Variants in INPP4B observed in about 807,000 individuals in gnomAD.
The protein encoded by INPP4B is inositol polyphosphate 4-phosphatase type II.
INPP4B carries 55 observed loss-of-function variants against 122.5 expected under a neutral mutation model. The observed-to-expected ratio is 0.45, with a 90% CI of 0.36 to 0.56. The LOEUF is 0.56. Among genes scored for constraint, INPP4B ranks in the 20% least tolerant of loss-of-function variants. The probability of loss-of-function intolerance (pLI) is 0.00; values close to 1 mark genes in which losing one functional copy is unlikely to be tolerated. For synonymous variants in INPP4B, 403 were observed against 388.7 expected, an observed-to-expected ratio of 1.04 and a Z score of -0.43; for missense variants, 1,000 against 1,097.7, an observed-to-expected ratio of 0.91 and a Z score of 1.26.
intron 7 of INPP4B, among the ~76,000 whole-genome samples, chr4:142,349,893 T>TA (rs10631958): frequency 0.26 from 38,025 of 148,138 alleles, 5,021 homozygotes; most frequent in East Asian, 0.41. Flanking sequence ...AGATAAGTTG[T>TA]AAAAAAAAAA....
At chr4:142,667,065 C>T (rs1224600980) in intron 2 of INPP4B, among the ~76,000 whole-genome samples, 1 of 152,118 alleles carries the variant, frequency 6.6e-6, no homozygotes, top group Non-Finnish European at 1.5e-5. Flanking sequence ...CATTTGAAAG[C>T]CTAAATTGTG....
chr4:142,400,376 C>T (rs1394889982), intron 7 of INPP4B, among the ~76,000 whole-genome samples: 1 of 152,112 alleles, frequency 6.6e-6, no homozygotes, highest in Non-Finnish European at 1.5e-5. Context: ...CCTTCCAAAA[C>T]ATACAAATAT....
intron 7 of INPP4B, among the ~76,000 whole-genome samples, chr4:142,335,480 A>T (rs1776276638): frequency 1.3e-5 from 2 of 152,174 alleles, no homozygotes; most frequent in African/African-American, 4.8e-5. Flanking sequence ...CAAATCTCCC[A>T]TGTATACCTT....
chr4:142,247,010 G>GTGT (rs1729221447), intron 11 of INPP4B, among the ~76,000 whole-genome samples: 1 of 149,346 alleles, frequency 6.7e-6, no homozygotes, highest in East Asian at 2.0e-4. Context: ...GCATGAAGGG[G>GTGT]TGAATTTTGT....
At chr4:142,156,206 A>G (rs1817110299) in intron 17 of INPP4B, among the ~76,000 whole-genome samples, 1 of 151,942 alleles carries the variant, frequency 6.6e-6, no homozygotes, top group Non-Finnish European at 1.5e-5. Context: ...GGATCAGAAT[A>G]TAAAGGATCA....
At chr4:142,684,903 T>C (rs1759126130) in intron 2 of INPP4B, among the ~76,000 whole-genome samples, 1 of 151,984 alleles carries the variant, frequency 6.6e-6, no homozygotes, top group Admixed American at 6.6e-5. Flanking sequence ...AGAGTGATAA[T>C]CCAAACCTCA....
chr4:142,773,850 A>AT (rs1338322678), intron 1 of INPP4B, among the ~76,000 whole-genome samples: 1 of 151,202 alleles, frequency 6.6e-6, no homozygotes, highest in Non-Finnish European at 1.5e-5. Context: ...ATTGATCTAG[A>AT]TTTTTGGAGA....
At chr4:142,230,671 A>G (rs1384932308) in intron 12 of INPP4B, among the ~76,000 whole-genome samples, 2 of 151,590 alleles carry the variant, frequency 1.3e-5, no homozygotes, top group Admixed American at 6.6e-5. Flanking sequence ...AAAAGAAAAG[A>G]AAAACAAAAT....
intron 1 of INPP4B, among the ~76,000 whole-genome samples, chr4:142,805,105 A>G (rs1047850392): frequency 1.3e-5 from 2 of 152,248 alleles, no homozygotes; most frequent in Non-Finnish European, 2.9e-5. Context: ...ATGAATAGAA[A>G]GCACAAGATA....
chr4:142,590,896 A>C (rs529490046), intron 2 of INPP4B, among the ~76,000 whole-genome samples: 2 of 151,238 alleles, frequency 1.3e-5, no homozygotes, highest in African/African-American at 4.8e-5. Context: ...AAAAAAAAAA[A>C]AAAACAAAAG....
intron 11 of INPP4B, among the ~76,000 whole-genome samples, chr4:142,252,466 G>A (rs995452034): frequency 3.9e-5 from 6 of 152,078 alleles, no homozygotes; most frequent in African/African-American, 1.4e-4. Context: ...GGGATTACAG[G>A]CGTGAGCCAC....
intron 2 of INPP4B, among the ~76,000 whole-genome samples, chr4:142,602,066 T>C (rs936384865): frequency 6.6e-6 from 1 of 151,668 alleles, no homozygotes; most frequent in Non-Finnish European, 1.5e-5. Flanking sequence ...ACTAAGGATC[T>C]ACATCTAGAG....
At chr4:142,806,739 G>A (rs1778774675) in intron 1 of INPP4B, among the ~76,000 whole-genome samples, 2 of 121,936 alleles carry the variant, frequency 1.6e-5, no homozygotes, top group Non-Finnish European at 1.7e-5. Flanking sequence ...GCAAGACCCT[G>A]TTAAAAAAAA....
At position 142,424,575 on chromosome 4, in the gene INPP4B, C is replaced by T. The variant is rs116773655; in HGVS notation, c.136+4598G>A. 2.4e-3 allele frequency among the ~76,000 whole-genome samples: 359 copies of T among 152,144 alleles called. 1 individual carries two copies. Among genetic ancestry groups the T allele is most frequent in the African/African-American group, 8.4e-3 (349 of 41,536 alleles). ...TAAAGGCCATATTGTGCATATTATCCTGCTTTTAAAACTTTCATATTCTTT... is the reference window on the plus strand; with the variant it reads ...TAAAGGCCATATTGTGCATATTATCTTGCTTTTAAAACTTTCATATTCTTT... On this transcript the variant is annotated intron_variant, in intron 5 of 25. Transcript: ENST00000262992.
intron 7 of INPP4B, among the ~76,000 whole-genome samples, chr4:142,315,999 C>T (rs4496653): frequency 0.21 from 32,092 of 151,874 alleles, 4,399 homozygotes; most frequent in East Asian, 0.48. Flanking sequence ...AGACTTGAAT[C>T]AGCTCCTCAT....
intron 2 of INPP4B, among the ~76,000 whole-genome samples, chr4:142,611,665 ATGGAGTCTGGCTGTGTCACCCAGGC>A (rs540410311): frequency 2.4e-3 from 182 of 76,154 alleles, no homozygotes; most frequent in East Asian, 0.024. Context: ...TTTTTTTGAG[ATGGAGTCTGGCTGTGTCACCCAGGC>A]TGGAGTCTGG....
intron 24 of INPP4B, among the ~76,000 whole-genome samples, chr4:142,084,737 C>G (rs982168212): frequency 2.0e-5 from 3 of 152,028 alleles, no homozygotes; most frequent in Admixed American, 2.0e-4. Flanking sequence ...TATAGGAAAA[C>G]TTTTTCATAC....
intron 24 of INPP4B, among the ~76,000 whole-genome samples, chr4:142,083,343 T>G (rs893865081): frequency 1.3e-5 from 2 of 152,154 alleles, no homozygotes; most frequent in East Asian, 1.9e-4. Context: ...CTTTTTGTTA[T>G]TCTGATTTAA....
intron 25 of INPP4B, among the ~76,000 whole-genome samples, chr4:142,050,754 C>T (rs1173290468): frequency 6.6e-6 from 1 of 151,978 alleles, no homozygotes; most frequent in Non-Finnish European, 1.5e-5. Context: ...CTTTCTTTAG[C>T]ATGTCTGGCA....
Sources: gnomAD v4.1 joint callset for allele counts (sites outside exome capture counted in the v4.1 genomes callset) on GRCh38, gnomAD v4.1.1 for gene constraint, MANE v1.5 for transcripts, NCBI Gene and HGNC (gene_info 2026-07-23, HGNC 2026-07-21) for gene names.